COMT: variants seen among roughly 807,000 people sequenced by gnomAD.
COMT encodes catechol O-methyltransferase.
A neutral mutation model predicts 18.9 loss-of-function variants in COMT; 13 were observed. That is an observed-to-expected ratio of 0.69 (90% CI 0.45 to 1.09). COMT has a LOEUF of 1.09. Ranked by LOEUF, COMT falls within the 50% of genes least tolerant of loss-of-function variation. The probability of loss-of-function intolerance (pLI) is 0.00; values close to 1 mark genes in which losing one functional copy is unlikely to be tolerated. For missense variants in COMT, 329 were observed against 361.8 expected (o/e 0.91, Z 0.73); for synonymous variants, 150 against 160.9 (o/e 0.93, Z 0.51).
chr22:19,946,638 G>A (rs1373477611), intron 1 of COMT, among the ~76,000 whole-genome samples: 1 of 152,124 alleles, frequency 6.6e-6, no homozygotes, highest in African/African-American at 2.4e-5. Context: ...AAACTCTAAT[G>A]ACAAAAGACT....
intron 3 of COMT, 104 bp downstream of exon 3, chr22:19,962,919 G>A: frequency 2.1e-6 from 3 of 1,396,170 alleles, no homozygotes; most frequent in Non-Finnish European, 1.9e-6. Context: ...CCAGGGGGCT[G>A]GGAACCCTGG....
At chr22:19,965,181 G>C (rs556686767) in intron 5 of COMT, 85 of 155,022 alleles carry the variant, frequency 5.5e-4, no homozygotes, top group Non-Finnish European at 1.0e-3. Flanking sequence ...GGGAGTCAGG[G>C]CACACAGGAC....
Position 19,964,161 on chromosome 22 carries a change from G to GT in COMT, c.484-5dup. On this transcript the variant is annotated splice_polypyrimidine_tract_variant and splice_region_variant and intron_variant, in intron 4 of 5. Coordinates refer to ENST00000361682, the MANE Select transcript of COMT (RefSeq NM_000754.4). ...GAGGACGTGGGCACTGACAGGCGCT[G>GT]TTCCAGGTCACCCTTGTGGTTGGAG... 6.2e-7 allele frequency: 1 copy of GT among 1,614,066 alleles called. No individual in the cohort carries two copies. The highest frequency in any genetic ancestry group is 8.5e-7 in the Non-Finnish European group (1 of 1,180,038).
intron 5 of COMT, 139 bp downstream of exon 5, chr22:19,964,438 T>G: frequency 8.0e-7 from 1 of 1,246,016 alleles, no homozygotes; most frequent in Non-Finnish European, 1.2e-6. Flanking sequence ...ACCTGAGGTC[T>G]GGGAGTGTGG....
In COMT at chr22:19,962,785, G is replaced by A; in HGVS notation, c.259G>A (p.Glu87Lys). ...EAIDTYCEQK[E>K]WAMNVGDKKG... ...CATTGACACCTACTGCGAGCAGAAG[G>A]AGTGGGCCATGAACGTGGGCGACAA... Residue 87 changes from glutamate to lysine, a missense_variant, in exon 3 of 6, where the codon GAG becomes AAG. Glu to Lys is a moderately conservative substitution (Grantham distance 56). Transcript: ENST00000361682. 6.2e-7 allele frequency: 1 copy of A among 1,607,832 alleles called. No individual in the cohort carries two copies. The highest frequency in any genetic ancestry group is 8.5e-7 in the Non-Finnish European group (1 of 1,174,898).
intron 1 of COMT, among the ~76,000 whole-genome samples, chr22:19,952,718 C>T (rs1941971796): frequency 1.3e-5 from 2 of 151,082 alleles, no homozygotes; most frequent in Admixed American, 6.6e-5. Context: ...TTTGGGAGGC[C>T]GAGGTGGGCA....
At chr22:19,965,950 C>T (rs531510802) in intron 5 of COMT, among the ~76,000 whole-genome samples, 1 of 152,238 alleles carries the variant, frequency 6.6e-6, no homozygotes, top group Non-Finnish European at 1.5e-5. Flanking sequence ...ATGGGCTTCA[C>T]TTGGGCAGGA....
At chr22:19,952,490 G>C (rs1941962930) in intron 1 of COMT, among the ~76,000 whole-genome samples, 1 of 151,658 alleles carries the variant, frequency 6.6e-6, no homozygotes, top group Admixed American at 6.6e-5. Flanking sequence ...ACACAAAAAA[G>C]TTAGCCGGGC....
At chr22:19,949,035 A>G (rs1004368490) in intron 1 of COMT, among the ~76,000 whole-genome samples, 1 of 151,986 alleles carries the variant, frequency 6.6e-6, no homozygotes, top group South Asian at 2.1e-4. Context: ...AATTCTAGCC[A>G]GCTTTGACCT....
intron 1 of COMT, among the ~76,000 whole-genome samples, chr22:19,959,545 G>A (rs1275037733): frequency 1.3e-5 from 2 of 152,250 alleles, no homozygotes; most frequent in Non-Finnish European, 2.9e-5. Context: ...TACGGGGCTG[G>A]GGCGGGGCGG....
intron 2 of COMT, 113 bp from the exon 3 acceptor site, chr22:19,962,414 A>G: frequency 2.7e-6 from 4 of 1,503,464 alleles, no homozygotes; most frequent in Non-Finnish European, 3.6e-6. Context: ...GCATTTCTGA[A>G]CCTTGCCCCT....
At chr22:19,955,690 C>T (rs888537734) in intron 1 of COMT, among the ~76,000 whole-genome samples, 1 of 152,262 alleles carries the variant, frequency 6.6e-6, no homozygotes, top group African/African-American at 2.4e-5. Flanking sequence ...CCGACTGGGC[C>T]ACCAGCCCTG....
At chr22:19,955,093 C>A (rs920111890) in intron 1 of COMT, among the ~76,000 whole-genome samples, 1 of 152,240 alleles carries the variant, frequency 6.6e-6, no homozygotes, top group Non-Finnish European at 1.5e-5. Flanking sequence ...CAGCCTCCAA[C>A]TCCTGGGCCC....
chr22:19,968,926 T>A lies in COMT; in HGVS notation c.*190T>A. 1.7e-6 allele frequency: 1 copy of A among 600,804 alleles called. No individual in the cohort carries two copies. The allele number at this position is 600,804 out of a possible 1,614,324, so 37.2% of individuals were successfully genotyped here. A position where few individuals can be genotyped will look rare whatever the true frequency, so the allele number is the denominator to read the frequency against. ...TGGATTGTTCTTTTTTAAGACTCAA[T>A]CATGACTTCTTTACTAACACTGGCT... is the stretch of plus-strand genomic sequence containing the variant. On this transcript the variant is annotated 3_prime_UTR_variant, in exon 6 of 6. Coordinates refer to ENST00000361682, the MANE Select transcript of COMT (RefSeq NM_000754.4).
At chr22:19,963,473 G>A in intron 3 of COMT, 93 bp from the exon 4 acceptor site, 1 of 1,454,768 alleles carries the variant, frequency 6.9e-7, no homozygotes, top group Non-Finnish European at 9.4e-7. Flanking sequence ...AGGGGCTCCT[G>A]CTCTTTGGGA....
intron 5 of COMT, chr22:19,964,733 C>A: frequency 2.1e-6 from 1 of 467,426 alleles, no homozygotes; most frequent in Non-Finnish European, 3.9e-6. Context: ...CCTGAGGCCC[C>A]ATCTTGTGCA....
chr22:19,967,255 AG>A (rs1942454625), intron 5 of COMT: 2 of 1,284,162 alleles, frequency 1.6e-6, no homozygotes, highest in Admixed American at 2.3e-5. Context: ...CAACCCGAGA[AG>A]TCCAGGAGCC....
rs532405664 is a variant in COMT, at chr22:19,961,471, T to G, written c.-1+182T>G. ...CCCTAGGGCGGAGCCTCTGCTTCCC[T>G]GTTCTCTTCTGCTCTGTCCTCTGGT... On this transcript the variant is annotated intron_variant, in intron 2 of 5. Coordinates refer to ENST00000361682, the MANE Select transcript of COMT (RefSeq NM_000754.4). Among the ~76,000 whole-genome samples, 6 of 152,324 alleles carry G rather than the reference T, an allele frequency of 3.9e-5. No homozygotes were observed. The South Asian group carries it at 1.2e-3, about 32-fold the overall frequency.
chr22:19,961,805 G>T (rs1171801279), intron 2 of COMT: 1 of 152,428 alleles, frequency 6.6e-6, no homozygotes, highest in East Asian at 1.9e-4. Flanking sequence ...CTACCTGCCT[G>T]GAGGGTCACA....
Sources: gnomAD v4.1 joint callset for allele counts (sites outside exome capture counted in the v4.1 genomes callset) on GRCh38, gnomAD v4.1.1 for gene constraint, MANE v1.5 for transcripts, NCBI Gene and HGNC (gene_info 2026-07-23, HGNC 2026-07-21) for gene names.